Variants in SHROOM4 observed in about 807,000 individuals in gnomAD.
SHROOM4 encodes shroom family member 4.
SHROOM4 carries 17 observed loss-of-function variants against 80.3 expected under a neutral mutation model. The ratio of observed to expected loss-of-function variants is 0.21; its 90% CI spans 0.14 to 0.32. The LOEUF (loss-of-function observed/expected upper bound fraction) is 0.32, where lower values mean the gene tolerates loss of function less well. Ranked by LOEUF, SHROOM4 falls within the 10% of genes least tolerant of loss-of-function variation. SHROOM4 has a pLI of 1.00. For missense variants in SHROOM4, 993 were observed against 1,140.3 expected (o/e 0.87, Z 1.86); for synonymous variants, 400 against 437.5 (o/e 0.91, Z 1.07).
In SHROOM4 at chrX:50,670,641, G is replaced by A. The variant is rs781838291; in HGVS notation, c.269+25145C>T. ...TATATACCCAGTAATCAGATCACTG[G>A]GTCAAATGCTATTTCTGGTTCTAGA... On this transcript the variant is annotated intron_variant, in intron 2 of 8. Coordinates refer to ENST00000376020, the MANE Select transcript of SHROOM4 (RefSeq NM_020717.5). 1.4e-3 allele frequency among the ~76,000 whole-genome samples: 159 copies of A among 111,565 alleles called. 2 individuals carry two copies. Among genetic ancestry groups the A allele is most frequent in the South Asian group, 1.5e-3 (4 of 2,633 alleles).
At chrX:50,722,524 C>T (rs1443879234) in intron 1 of SHROOM4, among the ~76,000 whole-genome samples, 2 of 110,728 alleles carry the variant, frequency 1.8e-5, no homozygotes, top group African/African-American at 6.6e-5. Flanking sequence ...TAAAATGAAC[C>T]AAAAGCATTT....
At chrX:50,610,367 C>T (rs1557249602) in intron 5 of SHROOM4, among the ~76,000 whole-genome samples, 1 of 110,092 alleles carries the variant, frequency 9.1e-6, no homozygotes, top group Non-Finnish European at 1.9e-5. Context: ...CACACACACA[C>T]ACACACACAC....
intron 1 of SHROOM4, among the ~76,000 whole-genome samples, chrX:50,704,923 G>A (rs936912587): frequency 8.1e-5 from 9 of 111,629 alleles, no homozygotes; most frequent in African/African-American, 2.9e-4. Flanking sequence ...GGGAGGTGGA[G>A]GAGGAGAAAA....
chrX:50,709,674 C>T (rs151234095), intron 1 of SHROOM4, among the ~76,000 whole-genome samples: 6,441 of 112,123 alleles, frequency 0.057, 449 homozygotes, highest in African/African-American at 0.2. Context: ...CTCTAAAATG[C>T]AGCTGGAGCT....
At chrX:50,795,433 GT>G (rs1935991011) in intron 1 of SHROOM4, among the ~76,000 whole-genome samples, 1 of 109,397 alleles carries the variant, frequency 9.1e-6, no homozygotes, top group Non-Finnish European at 1.9e-5. Flanking sequence ...TAATCCAGCA[GT>G]TTATGTCTGT....
rs782458273 is a variant in SHROOM4 at position 50,774,278 on chromosome X, A to G, written c.117+39624T>C. On this transcript the variant is annotated intron_variant, in intron 1 of 8. Coordinates refer to ENST00000376020, the MANE Select transcript of SHROOM4 (RefSeq NM_020717.5). ...CTGAAGAAGACACTCCAGCCTTTCT[A>G]GGGTCTCAGTATGGTATTAGGCAAC... Among the ~76,000 whole-genome samples, 14 of 111,434 alleles carry G rather than the reference A, an allele frequency of 1.3e-4. 1 individual carries two copies. The highest frequency in any genetic ancestry group is 2.3e-4 in the Non-Finnish European group (12 of 53,076).
chrX:50,621,257 G>C (rs1557251940), intron 5 of SHROOM4, among the ~76,000 whole-genome samples: 6 of 111,788 alleles, frequency 5.4e-5, no homozygotes. Flanking sequence ...AAAATAGCTT[G>C]AGTCTGTTTC....
intron 1 of SHROOM4, among the ~76,000 whole-genome samples, chrX:50,795,040 CATATATATATG>C (rs149699286): frequency 0.099 from 618 of 6,229 alleles, 62 homozygotes; most frequent in East Asian, 0.43. Context: ...ATATATATCT[CATATATATATG>C]ATATATATAT....
chrX:50,652,581 T>C (rs1932143491), intron 2 of SHROOM4, among the ~76,000 whole-genome samples: 1 of 112,231 alleles, frequency 8.9e-6, no homozygotes, highest in Non-Finnish European at 1.9e-5. Context: ...TTTAATTAGA[T>C]CCTGTTTGTC....
chrX:50,806,360 C>T (rs1456068949), intron 1 of SHROOM4, among the ~76,000 whole-genome samples: 3 of 112,103 alleles, frequency 2.7e-5, no homozygotes, highest in Non-Finnish European at 5.6e-5. Context: ...AACTTCAGTG[C>T]GTGGCCAGGA....
chrX:50,738,597 A>C (rs1557266918), intron 1 of SHROOM4, among the ~76,000 whole-genome samples: 2 of 111,342 alleles, frequency 1.8e-5, no homozygotes. Context: ...AAAGAGAATA[A>C]AATACCTAGG....
chrX:50,632,931 G>A (rs1557254408), intron 4 of SHROOM4, among the ~76,000 whole-genome samples: 2 of 111,682 alleles, frequency 1.8e-5, no homozygotes, highest in Non-Finnish European at 3.8e-5. Flanking sequence ...CAATTTTATA[G>A]TCAGGATATA....
intron 2 of SHROOM4, among the ~76,000 whole-genome samples, chrX:50,647,905 C>G (rs903675001): frequency 8.9e-6 from 1 of 112,177 alleles, no homozygotes; most frequent in Non-Finnish European, 1.9e-5. Flanking sequence ...AGCTGGAGCA[C>G]AGTGAGCAAG....
Position 50,590,755 on chromosome X carries a change from T to G in SHROOM4, c.*5940A>C, listed in dbSNP as rs782190553. Among the ~76,000 whole-genome samples, 2 of 112,549 alleles carry G rather than the reference T, an allele frequency of 1.8e-5. No homozygotes were observed. The highest frequency in any genetic ancestry group is 5.6e-4 in the East Asian group (2 of 3,568). ...AGCAACCCAAGCATACTAAAACACA[T>G]ATTTTCTTTGAAGAAATGTCTATTA... On this transcript the variant is annotated 3_prime_UTR_variant, in exon 9 of 9. Transcript: ENST00000376020.
At chrX:50,795,146 GATATATAT>G (rs781879598) in intron 1 of SHROOM4, among the ~76,000 whole-genome samples, 193 of 3,043 alleles carry the variant, frequency 0.063, 8 homozygotes, top group South Asian at 0.19. Context: ...ATATATATAT[GATATATAT>G]ATATATATAT....
At chrX:50,792,285 G>A (rs1159489972) in intron 1 of SHROOM4, among the ~76,000 whole-genome samples, 1 of 111,690 alleles carries the variant, frequency 9.0e-6, no homozygotes, top group African/African-American at 3.3e-5. Context: ...GATCACCCGA[G>A]GTCAGGAGTT....
At chrX:50,721,002 G>A (rs978521551) in intron 1 of SHROOM4, among the ~76,000 whole-genome samples, 10 of 111,857 alleles carry the variant, frequency 8.9e-5, no homozygotes, top group Non-Finnish European at 1.9e-4. Context: ...GTTTTCTCCT[G>A]GAGATGAGAT....
At chrX:50,632,877 C>T (rs1210955527) in intron 4 of SHROOM4, among the ~76,000 whole-genome samples, 1 of 111,597 alleles carries the variant, frequency 9.0e-6, no homozygotes, top group African/African-American at 3.3e-5. Context: ...TTACATACTT[C>T]AAATTTGTGT....
intron 1 of SHROOM4, among the ~76,000 whole-genome samples, chrX:50,773,453 C>A (rs782398110): frequency 7.1e-5 from 8 of 112,295 alleles, no homozygotes; most frequent in Admixed American, 5.7e-4. Context: ...TTCTCTAGTT[C>A]AGCTCACAGG....
Sources: gnomAD v4.1 joint callset for allele counts (sites outside exome capture counted in the v4.1 genomes callset) on GRCh38, gnomAD v4.1.1 for gene constraint, MANE v1.5 for transcripts, NCBI Gene and HGNC (gene_info 2026-07-23, HGNC 2026-07-21) for gene names.